The following PIGN variants were observed in gnomAD, a reference collection of about 807,000 sequenced individuals.
PIGN encodes the protein phosphatidylinositol glycan anchor biosynthesis class N.
In PIGN, 117 loss-of-function variants were observed where a neutral mutation model predicts 125.4. The observed-to-expected ratio is 0.93, with a 90% CI of 0.80 to 1.09. The LOEUF is 1.09. PIGN is among the 50% of genes least tolerant of loss of function. The pLI is 0.00. For missense variants in PIGN, 1,075 were observed against 1,094.9 expected, an observed-to-expected ratio of 0.98 and a Z score of 0.26; for synonymous variants, 392 against 377.8, an observed-to-expected ratio of 1.04 and a Z score of -0.44.
chr18:62,170,732 G>C (rs1308848792), intron 1 of PIGN, among the ~76,000 whole-genome samples: 1 of 152,216 alleles, frequency 6.6e-6, no homozygotes, highest in African/African-American at 2.4e-5. Flanking sequence ...AAGGCATTTT[G>C]AAAGCCAAGA....
At chr18:62,169,923 A>G (rs1004916316) in intron 1 of PIGN, among the ~76,000 whole-genome samples, 22 of 152,184 alleles carry the variant, frequency 1.4e-4, no homozygotes, top group African/African-American at 4.8e-4. Flanking sequence ...GTGCCCAGCC[A>G]TGTTTAACTT....
chr18:62,152,660 T>G (rs1244691023), intron 7 of PIGN, among the ~76,000 whole-genome samples: 3 of 152,184 alleles, frequency 2.0e-5, no homozygotes, highest in Admixed American at 2.0e-4. Context: ...TACAATCTCA[T>G]GTAATTTTTG....
chr18:62,074,922 G>A lies in PIGN; in HGVS notation c.2577-101C>T, dbSNP rs912076573. 9 of 741,570 alleles carry A rather than the reference G, an allele frequency of 1.2e-5. No individual in the cohort carries two copies. The African/African-American group carries it at 1.3e-4, about 10-fold the overall frequency. The allele number at this position is 741,570 out of a possible 1,614,324, so 45.9% of individuals were successfully genotyped here. ...ACTAGGCAAATAACCTAGTATTGTT[G>A]GTATTTTTGCTTCTGAAAATACAAC... On this transcript the variant is annotated intron_variant, in intron 28 of 30. Coordinates refer to ENST00000640252, the MANE Select transcript of PIGN (RefSeq NM_176787.5).
Position 62,139,828 on chromosome 18 carries a change from C to T in PIGN, c.1023+592G>A, listed in dbSNP as rs10401081. Among the ~76,000 whole-genome samples the T allele has an allele frequency of 1.0e-2, 1,519 of 152,340 alleles. 20 individuals carry two copies. The highest frequency in any genetic ancestry group is 0.049 in the East Asian group (255 of 5,186). The stretch of plus-strand genomic sequence containing the variant: ...TCATGTCAGTGCCCTGAGAACAGCT[C>T]TGCCATGGGATCATGGCTGTGGTTC... On this transcript the variant is annotated intron_variant, in intron 12 of 30. Coordinates refer to ENST00000640252, the MANE Select transcript of PIGN (RefSeq NM_176787.5).
intron 1 of PIGN, among the ~76,000 whole-genome samples, chr18:62,168,328 C>T (rs1204050078): frequency 6.6e-6 from 1 of 152,128 alleles, no homozygotes; most frequent in African/African-American, 2.4e-5. Flanking sequence ...AAAATAATTT[C>T]AAACAAAGTT....
chr18:62,048,139 CA>C (rs2030892361), intron 30 of PIGN, among the ~76,000 whole-genome samples: 1 of 151,978 alleles, frequency 6.6e-6, no homozygotes, highest in African/African-American at 2.4e-5. Context: ...GATAAAACAA[CA>C]GAATTTACCC....
At chr18:62,095,444 T>C (rs1461744628) in intron 23 of PIGN, among the ~76,000 whole-genome samples, 1 of 147,738 alleles carries the variant, frequency 6.8e-6, no homozygotes, top group Non-Finnish European at 1.5e-5. Flanking sequence ...ATCTGAACTG[T>C]GAGATATGTA....
intron 21 of PIGN, 92 bp downstream of exon 21, chr18:62,102,702 T>C (rs959041550): frequency 3.3e-6 from 2 of 601,680 alleles, no homozygotes; most frequent in Non-Finnish European, 5.7e-6. Flanking sequence ...AGCATAAAGG[T>C]AATGGCATTT....
At chr18:62,137,071 C>A in intron 14 of PIGN, 1 of 398,622 alleles carries the variant, frequency 2.5e-6, no homozygotes, top group Non-Finnish European at 4.4e-6. Context: ...GAGAAGCAGA[C>A]CCACCCTCAA....
chr18:62,168,273 G>A (rs2037226447), intron 1 of PIGN, among the ~76,000 whole-genome samples: 1 of 151,904 alleles, frequency 6.6e-6, no homozygotes, highest in African/African-American at 2.4e-5. Context: ...ATCATTGTAA[G>A]TAACCATGCT....
At chr18:62,076,381 T>C (rs181516603) in intron 28 of PIGN, among the ~76,000 whole-genome samples, 110 of 152,358 alleles carry the variant, frequency 7.2e-4, no homozygotes, top group Non-Finnish European at 1.2e-3. Flanking sequence ...GCATTCTTTT[T>C]ATATTCTAGA....
chr18:62,034,806 G>A (rs557427003), intron 23 of PIGN, among the ~76,000 whole-genome samples: 1 of 152,284 alleles, frequency 6.6e-6, no homozygotes, highest in South Asian at 2.1e-4. Flanking sequence ...TCTCAGATGA[G>A]ACTTTGGACT....
intron 28 of PIGN, among the ~76,000 whole-genome samples, chr18:62,079,191 T>C (rs1226997739): frequency 6.6e-6 from 1 of 152,248 alleles, no homozygotes; most frequent in Non-Finnish European, 1.5e-5. Context: ...GTAAAGACCA[T>C]ATTAAGGTTT....
chr18:62,056,506 G>C (rs746612986), intron 30 of PIGN, among the ~76,000 whole-genome samples: 3 of 82,622 alleles, frequency 3.6e-5, no homozygotes, highest in Admixed American at 1.6e-4. Flanking sequence ...CTCAGCAGAT[G>C]ACTCTGCTTT....
chr18:62,157,657 A>C, intron 5 of PIGN, 30 bp downstream of exon 5: 3 of 1,592,844 alleles, frequency 1.9e-6, no homozygotes, highest in Non-Finnish European at 2.6e-6. Context: ...CAAATTTTTC[A>C]TTTCATAAGA....
chr18:62,167,487 C>A (rs1410073770), intron 1 of PIGN, among the ~76,000 whole-genome samples: 13 of 151,542 alleles, frequency 8.6e-5, no homozygotes, highest in Non-Finnish European at 1.5e-4. Context: ...CAAAAATTAG[C>A]CAGGTGTGGT....
chr18:62,033,693 C>T (rs1243964141), intron 23 of PIGN, among the ~76,000 whole-genome samples: 4 of 152,190 alleles, frequency 2.6e-5, no homozygotes. Flanking sequence ...CTTTCTCTCT[C>T]GGAGTCTCTG....
At chr18:62,018,174 G>C (rs1023276594) in intron 23 of PIGN, among the ~76,000 whole-genome samples, 6 of 152,228 alleles carry the variant, frequency 3.9e-5, no homozygotes, top group Non-Finnish European at 8.8e-5. Flanking sequence ...TACAGGGAAA[G>C]CAGGGCTGGC....
chr18:62,034,803 T>G (rs761952595), intron 23 of PIGN, among the ~76,000 whole-genome samples: 1 of 152,196 alleles, frequency 6.6e-6, no homozygotes, highest in Non-Finnish European at 1.5e-5. Flanking sequence ...TTGTCTCAGA[T>G]GAGACTTTGG....
Sources: gnomAD v4.1 joint callset for allele counts (sites outside exome capture counted in the v4.1 genomes callset) on GRCh38, gnomAD v4.1.1 for gene constraint, MANE v1.5 for transcripts, NCBI Gene and HGNC (gene_info 2026-07-23, HGNC 2026-07-21) for gene names.